The following COL5A2 variants were observed in gnomAD, a reference collection of about 807,000 sequenced individuals.
The protein encoded by COL5A2 is collagen type V alpha 2 chain.
A neutral mutation model predicts 208.2 loss-of-function variants in COL5A2; 23 were observed. The observed-to-expected ratio is 0.11, with a 90% CI of 0.08 to 0.16. COL5A2 has a LOEUF of 0.16. Among genes scored for constraint, COL5A2 ranks in the 10% least tolerant of loss-of-function variants. The probability of loss-of-function intolerance (pLI) is 1.00; values close to 1 mark genes in which losing one functional copy is unlikely to be tolerated. For synonymous variants in COL5A2, 625 were observed against 628.5 expected (o/e 0.99, Z 0.08); for missense variants, 1,590 against 1,956.4 (o/e 0.81, Z 3.53).
the COL5A2 span, among the ~76,000 whole-genome samples, chr2:189,424,857 C>T: frequency 6.6e-6 from 1 of 152,140 alleles, no homozygotes; most frequent in Admixed American, 6.6e-5. Context: ...CCAAAATCAT[C>T]TTAAGCAAAA....
At chr2:189,149,664 G>C (rs1435739085) in intron 1 of COL5A2, among the ~76,000 whole-genome samples, 1 of 152,168 alleles carries the variant, frequency 6.6e-6, no homozygotes, top group Non-Finnish European at 1.5e-5. Context: ...CAAGAATGAA[G>C]AAACTATAAG....
chr2:189,252,242 C>A, the COL5A2 span, among the ~76,000 whole-genome samples: 1 of 152,150 alleles, frequency 6.6e-6, no homozygotes, highest in African/African-American at 2.4e-5. Context: ...TACCATTTGA[C>A]CCAGCCATCC....
Position 189,036,755 on chromosome 2 carries a change from T to C in COL5A2, c.3974A>G (p.Lys1325Arg), listed in dbSNP as rs1412241909. The change falls in exon 52 of 54, where the codon AAA (lysine) becomes AGA (arginine). Residue 1325 changes from lysine (K) to arginine (R), a missense_variant. By Grantham distance (26) the Lys-to-Arg change is conservative. Transcript: ENST00000374866. Reference protein sequence around the residue: ...PNQGSVEDAIKVYCNMETGET... With the variant: ...PNQGSVEDAIRVYCNMETGET... ...TCCTGTTTCCATGTTGCAGTAAACT[T>C]TGATTGCATCTTCAACAGATCCTTG... 1.2e-6 allele frequency: 2 copies of C among 1,613,774 alleles called. No homozygotes were observed. Among genetic ancestry groups the C allele is most frequent in the South Asian group, 1.1e-5 (1 of 91,054 alleles).
At chr2:189,053,804 A>T in intron 37 of COL5A2, 91 bp downstream of exon 37, 1 of 1,138,774 alleles carries the variant, frequency 8.8e-7, no homozygotes, top group Non-Finnish European at 1.3e-6. Flanking sequence ...TAAAACCAAT[A>T]AGCATTGTTT....
chr2:189,292,996 C>T, the COL5A2 span, among the ~76,000 whole-genome samples: 6 of 151,840 alleles, frequency 4.0e-5, no homozygotes, highest in Non-Finnish European at 7.4e-5. Flanking sequence ...CAGTAAACTA[C>T]CGCAAGAACA....
At chr2:189,105,932 G>T (rs1687140602) in intron 2 of COL5A2, among the ~76,000 whole-genome samples, 1 of 151,256 alleles carries the variant, frequency 6.6e-6, no homozygotes, top group Admixed American at 6.6e-5. Context: ...CTGCTACGAT[G>T]CCATCTTTAT....
intron 1 of COL5A2, among the ~76,000 whole-genome samples, chr2:189,162,277 G>C (rs1452217882): frequency 1.3e-5 from 2 of 152,212 alleles, no homozygotes; most frequent in African/African-American, 4.8e-5. Flanking sequence ...ACCTGATAAA[G>C]AGCAGGTACT....
chr2:189,122,864 C>T (rs1488399504), intron 1 of COL5A2, among the ~76,000 whole-genome samples: 1 of 152,078 alleles, frequency 6.6e-6, no homozygotes, highest in Non-Finnish European at 1.5e-5. Context: ...AAATGTTATA[C>T]TGGAGTTAGG....
chr2:189,077,396 T>G (rs1265454423), intron 16 of COL5A2, among the ~76,000 whole-genome samples: 1 of 152,168 alleles, frequency 6.6e-6, no homozygotes, highest in Non-Finnish European at 1.5e-5. Context: ...TTGGAAAATT[T>G]TAATGATGTG....
At chr2:189,049,487 G>C in intron 43 of COL5A2, 33 bp from the exon 44 acceptor site, 1 of 1,521,726 alleles carries the variant, frequency 6.6e-7, no homozygotes, top group Non-Finnish European at 9.1e-7. Flanking sequence ...AAACACTTGT[G>C]AAGAAATTGA....
At chr2:189,278,168 C>G in the COL5A2 span, among the ~76,000 whole-genome samples, 1 of 152,090 alleles carries the variant, frequency 6.6e-6, no homozygotes, top group Non-Finnish European at 1.5e-5. Context: ...TTCTTATATT[C>G]CTTCTCTCGA....
chr2:189,062,032 C>G (rs1443930273), intron 29 of COL5A2, among the ~76,000 whole-genome samples: 2 of 151,902 alleles, frequency 1.3e-5, no homozygotes, highest in South Asian at 2.1e-4. Context: ...GAAAGCAAAG[C>G]TAACATTTTA....
At chr2:189,423,941 A>G in the COL5A2 span, among the ~76,000 whole-genome samples, 1 of 152,132 alleles carries the variant, frequency 6.6e-6, no homozygotes, top group African/African-American at 2.4e-5. Flanking sequence ...CAAAGATGCA[A>G]AAATGCTCAA....
the COL5A2 span, among the ~76,000 whole-genome samples, chr2:189,230,603 C>G: frequency 2.0e-5 from 3 of 151,792 alleles, no homozygotes; most frequent in Non-Finnish European, 4.4e-5. Flanking sequence ...CACTAATTAT[C>G]AGATAAATGC....
chr2:189,094,471 A>T (rs987849508), intron 6 of COL5A2, among the ~76,000 whole-genome samples: 1 of 151,362 alleles, frequency 6.6e-6, no homozygotes, highest in Non-Finnish European at 1.5e-5. Context: ...ATAAAAAAGT[A>T]CTTTGAGGTT....
At position 189,075,404 on chromosome 2, in the gene COL5A2, G is replaced by A; in HGVS notation, c.1093C>T (p.Pro365Ser). Reference protein sequence around the residue: ...QRGAHGMPGKPGPMGPLGIPG... With the variant: ...QRGAHGMPGKSGPMGPLGIPG... ...ATAATATAACTCACCATTGGTCCAG[G>A]TTTTCCAGGCATACCATGTGCACCT... The change falls in exon 17 of 54, where the codon CCT becomes TCT. Residue 365 changes from proline (P) to serine (S), a missense_variant. Coordinates refer to ENST00000374866, the MANE Select transcript of COL5A2 (RefSeq NM_000393.5). 1.2e-6 allele frequency: 2 copies of A among 1,603,600 alleles called. No individual in the cohort carries two copies. The highest frequency in any genetic ancestry group is 1.7e-6 in the Non-Finnish European group (2 of 1,171,018).
At chr2:189,109,557 AC>A (rs1687219219) in intron 2 of COL5A2, among the ~76,000 whole-genome samples, 1 of 152,140 alleles carries the variant, frequency 6.6e-6, no homozygotes, top group Non-Finnish European at 1.5e-5. Context: ...TATTGCTCTT[AC>A]CTTGTTTATT....
intron 1 of COL5A2, among the ~76,000 whole-genome samples, chr2:189,185,062 C>T (rs1028996990): frequency 1.3e-5 from 2 of 151,608 alleles, no homozygotes; most frequent in Non-Finnish European, 2.9e-5. Flanking sequence ...CTTGCCCTGT[C>T]GCCCAGGCTG....
the COL5A2 span, among the ~76,000 whole-genome samples, chr2:189,358,396 AG>A: frequency 1.3e-5 from 2 of 152,228 alleles, no homozygotes; most frequent in South Asian, 4.1e-4. Context: ...CTGATTTTCA[AG>A]TATTGATTTT....
Sources: allele counts gnomAD v4.1 joint callset (sites outside exome capture counted in the v4.1 genomes callset), GRCh38; gene constraint gnomAD v4.1.1; transcripts MANE v1.5; gene names NCBI Gene and HGNC (gene_info 2026-07-23, HGNC 2026-07-21).